Variants in MLLT10 observed in about 807,000 individuals in gnomAD.
MLLT10 encodes MLLT10 histone lysine methyltransferase DOT1L cofactor.
In MLLT10, 30 loss-of-function variants were observed where a neutral mutation model predicts 129.1. That is an observed-to-expected ratio of 0.23 (90% CI 0.17 to 0.32). MLLT10 has a LOEUF of 0.32. MLLT10 is among the 10% of genes least tolerant of loss of function. The pLI is 1.00. For synonymous variants in MLLT10, 490 were observed against 446.4 expected (o/e 1.10, Z -1.23); for missense variants, 1,119 against 1,268.3 (o/e 0.88, Z 1.79).
chr10:21,716,066 C>T (rs144835390), intron 14 of MLLT10, among the ~76,000 whole-genome samples: 72 of 152,350 alleles, frequency 4.7e-4, no homozygotes, highest in African/African-American at 1.4e-3. Context: ...TGCTGAACTA[C>T]TTCAATTTAG....
intron 8 of MLLT10, among the ~76,000 whole-genome samples, chr10:21,634,910 T>G (rs2047322198): frequency 6.6e-6 from 1 of 152,230 alleles, no homozygotes; most frequent in Non-Finnish European, 1.5e-5. Context: ...TATAAAAATT[T>G]CCTTAATTTC....
intron 9 of MLLT10, among the ~76,000 whole-genome samples, chr10:21,667,131 G>T (rs544810886): frequency 6.6e-6 from 1 of 151,804 alleles, no homozygotes; most frequent in African/African-American, 2.4e-5. Context: ...TTTTCTTTTA[G>T]TACTCTCCTG....
chr10:21,547,271 T>G (rs147703447), intron 3 of MLLT10, among the ~76,000 whole-genome samples: 1 of 152,282 alleles, frequency 6.6e-6, no homozygotes, highest in East Asian at 1.9e-4. Flanking sequence ...CATGCATACT[T>G]AATGTTTTTC....
At chr10:21,593,834 G>T (rs1176204016) in intron 4 of MLLT10, among the ~76,000 whole-genome samples, 1 of 147,810 alleles carries the variant, frequency 6.8e-6, no homozygotes, top group Non-Finnish European at 1.5e-5. Flanking sequence ...GGCTGAGGCA[G>T]GAGAATTGGT....
Position 21,689,641 on chromosome 10 carries a change from T to TTA in MLLT10, c.1699+7404_1699+7405dup, listed in dbSNP as rs1184223344. ...TATACACACACACACACACACACAT[T>TTA]TATATATATATATATATATATTTTT... On this transcript the variant is annotated intron_variant, in intron 13 of 22. Transcript: ENST00000307729. Among the ~76,000 whole-genome samples the TTA allele has an allele frequency of 5.9e-3, 773 of 131,906 alleles. 6 individuals are homozygous for TTA. Among genetic ancestry groups the TTA allele is most frequent in the South Asian group, 0.014 (57 of 4,150 alleles). The allele number at this position is 131,906 out of a possible 152,430, so 86.5% of individuals were successfully genotyped here.
At chr10:21,716,619 G>A (rs2056579904) in intron 14 of MLLT10, among the ~76,000 whole-genome samples, 1 of 151,784 alleles carries the variant, frequency 6.6e-6, no homozygotes, top group Admixed American at 6.6e-5. Context: ...GCTTGAACAT[G>A]GGAAGTGGAG....
intron 13 of MLLT10, among the ~76,000 whole-genome samples, chr10:21,710,134 T>C (rs2055933756): frequency 6.6e-6 from 1 of 152,238 alleles, no homozygotes; most frequent in Admixed American, 6.5e-5. Context: ...TGTTTACCCT[T>C]TAAATGGTAA....
chr10:21,697,189 G>C (rs550459475), intron 13 of MLLT10, among the ~76,000 whole-genome samples: 18 of 151,300 alleles, frequency 1.2e-4, no homozygotes, highest in African/African-American at 3.9e-4. Flanking sequence ...GAAATAGGCC[G>C]GGCATGGTGG....
intron 9 of MLLT10, 87 bp downstream of exon 9, chr10:21,651,855 C>G (rs192847843): frequency 1.7e-5 from 9 of 543,756 alleles, no homozygotes; most frequent in Admixed American, 6.6e-5. Flanking sequence ...CATTCCCTAA[C>G]TTTTCCCAGC....
chr10:21,604,286 T>G (rs776078465), intron 5 of MLLT10, among the ~76,000 whole-genome samples: 11 of 152,172 alleles, frequency 7.2e-5, no homozygotes, highest in Non-Finnish European at 1.2e-4. Context: ...AAGACTTTGG[T>G]TAATCCTGAA....
intron 4 of MLLT10, among the ~76,000 whole-genome samples, chr10:21,592,517 G>A (rs1400287854): frequency 2.6e-5 from 4 of 151,246 alleles, no homozygotes; most frequent in African/African-American, 7.3e-5. Flanking sequence ...GCGTAGTGGC[G>A]CGATCTCGAC....
At chr10:21,611,300 C>T (rs549509705) in intron 5 of MLLT10, among the ~76,000 whole-genome samples, 72 of 151,814 alleles carry the variant, frequency 4.7e-4, no homozygotes, top group Middle Eastern at 3.4e-3. Flanking sequence ...TGAGCCACCA[C>T]GCCCAGAGAA....
intron 8 of MLLT10, among the ~76,000 whole-genome samples, chr10:21,645,283 G>A (rs1323967621): frequency 6.6e-5 from 10 of 152,138 alleles, no homozygotes; most frequent in Admixed American, 6.5e-4. Context: ...TGCTTTTGGG[G>A]ATCATTTGGT....
At chr10:21,550,518 A>G (rs2036829442) in intron 3 of MLLT10, among the ~76,000 whole-genome samples, 1 of 152,046 alleles carries the variant, frequency 6.6e-6, no homozygotes, top group South Asian at 2.1e-4. Context: ...CTTCAATTTA[A>G]TACTGATTCC....
intron 15 of MLLT10, 87 bp from the exon 16 acceptor site, chr10:21,727,769 T>A: frequency 1.0e-6 from 1 of 966,980 alleles, no homozygotes; most frequent in South Asian, 1.4e-5. Context: ...AGGTTTAATG[T>A]ATGTTTTAGG....
At chr10:21,622,089 G>A (rs1386081962) in intron 8 of MLLT10, among the ~76,000 whole-genome samples, 5 of 149,904 alleles carry the variant, frequency 3.3e-5, no homozygotes, top group African/African-American at 4.9e-5. Flanking sequence ...GAGAAGAAAA[G>A]TTAATGGTGA....
In MLLT10 at chr10:21,617,129, A is replaced by T. The variant is rs780453105; in HGVS notation, c.621A>T (p.Gly207=). 6 of 1,516,956 alleles carry T rather than the reference A, an allele frequency of 4.0e-6. No individual in the cohort carries two copies. In the South Asian group the frequency reaches 8.6e-5, roughly 22 times the overall value. 94.0% of individuals were successfully genotyped at this position (1,516,956 alleles called of 1,614,324 possible). ...TTTTTTAGAAAAAGAGCAAACGGGG[A>T]TCTAATAGGTCATATGATCAAAGTT... The part of the protein sequence containing the change: ...HFSKLKKSKR[G]SNRSYDQSLS... The change falls in exon 8 of 23, where the codon GGA becomes GGT. Residue 207 remains glycine (G), a synonymous_variant. Transcript: ENST00000307729.
intron 5 of MLLT10, among the ~76,000 whole-genome samples, chr10:21,611,313 C>T (rs1346996135): frequency 3.3e-5 from 5 of 151,638 alleles, no homozygotes; most frequent in Admixed American, 2.0e-4. Flanking sequence ...CCAGAGAATC[C>T]TAGGTTTTCA....
chr10:21,655,236 C>T (rs1267058094), intron 9 of MLLT10, among the ~76,000 whole-genome samples: 1 of 151,986 alleles, frequency 6.6e-6, no homozygotes, highest in African/African-American at 2.4e-5. Flanking sequence ...ATACTGAATT[C>T]TCTAAGAAGT....
Sources: allele counts gnomAD v4.1 joint callset (sites outside exome capture counted in the v4.1 genomes callset), GRCh38; gene constraint gnomAD v4.1.1; transcripts MANE v1.5; gene names NCBI Gene and HGNC (gene_info 2026-07-23, HGNC 2026-07-21).